Variants in TFAP2A observed in about 807,000 individuals in gnomAD.
The protein encoded by TFAP2A is transcription factor AP-2-alpha.
In TFAP2A, 7 loss-of-function variants were observed where a neutral mutation model predicts 41.5. That is an observed-to-expected ratio of 0.17 (90% confidence interval 0.10 to 0.32). The LOEUF is 0.32. TFAP2A is among the 10% of genes least tolerant of loss of function. TFAP2A has a pLI of 1.00. For synonymous variants in TFAP2A, 247 were observed against 242.8 expected, an observed-to-expected ratio of 1.02 and a Z score of -0.16; for missense variants, 416 against 563.3, an observed-to-expected ratio of 0.74 and a Z score of 2.65.
intron 3 of TFAP2A, 69 bp from the exon 4 acceptor site, chr6:10,404,808 CCCT>C (rs1439404135): frequency 1.4e-6 from 2 of 1,439,972 alleles, no homozygotes; most frequent in African/African-American, 2.8e-5. Context: ...CCGACCCCGG[CCCT>C]CATCCCGGCC....
chr6:10,415,349 A>T, upstream of TFAP2A: 1 of 1,153,622 alleles, frequency 8.7e-7, no homozygotes. Context: ...GCTCGCCAGT[A>T]CCACAATCTG....
At chr6:10,408,867 C>T (rs969871588) in intron 2 of TFAP2A, among the ~76,000 whole-genome samples, 2 of 152,242 alleles carry the variant, frequency 1.3e-5, no homozygotes, top group African/African-American at 2.4e-5. Flanking sequence ...AATCATTAAA[C>T]TGTCAACGGA....
upstream of TFAP2A, among the ~76,000 whole-genome samples, chr6:10,417,918 A>G (rs1241050961): frequency 2.6e-5 from 4 of 152,232 alleles, no homozygotes; most frequent in Admixed American, 6.5e-5. Flanking sequence ...TCCCAGGCCA[A>G]ACCTACTCAA....
chr6:10,414,857 TG>T, intron 1 of TFAP2A, 83 bp downstream of exon 1: 1 of 1,583,964 alleles, frequency 6.3e-7, no homozygotes, highest in African/African-American at 1.3e-5. Context: ...GTTTCGCAGC[TG>T]GTTGCAAGGA....
upstream of TFAP2A, chr6:10,415,446 A>C (rs1581277581): frequency 1.4e-5 from 4 of 291,224 alleles, no homozygotes; most frequent in East Asian, 9.4e-5. Context: ...AACTGATAAA[A>C]CCTTCCTCGA....
At chr6:10,401,198 C>T (rs1192673286) in intron 5 of TFAP2A, among the ~76,000 whole-genome samples, 2 of 152,222 alleles carry the variant, frequency 1.3e-5, no homozygotes, top group Non-Finnish European at 2.9e-5. Context: ...AAGCCCTCTC[C>T]GCAGAGCTTG....
chr6:10,410,352 G>A lies in TFAP2A; in HGVS notation c.52-17C>T. 4 of 1,601,162 alleles carry A rather than the reference G, an allele frequency of 2.5e-6. No homozygotes were observed. The highest frequency in any genetic ancestry group is 3.4e-6 in the Non-Finnish European group (4 of 1,174,402). ...GTGACGGTCCTAGAAGAGAGCGAGA[G>A]GAAAGGTAAAGAACAAGGAATCAGG... On this transcript the variant is annotated splice_polypyrimidine_tract_variant and intron_variant, in intron 1 of 6. Transcript: ENST00000379613.
At chr6:10,406,963 G>T in intron 2 of TFAP2A, 119 bp from the exon 3 acceptor site, 2 of 829,490 alleles carry the variant, frequency 2.4e-6, no homozygotes, top group South Asian at 1.4e-5. Context: ...CCCGTATAAT[G>T]ACATTTATAT....
At chr6:10,412,030 T>C in intron 1 of TFAP2A, 1 of 1,049,738 alleles carries the variant, frequency 9.5e-7, no homozygotes, top group Non-Finnish European at 1.1e-6. Context: ...TAATAGCAGA[T>C]ATTCATGACT....
rs753566744 is a variant in TFAP2A at position 10,398,410 on chromosome 6, G to A, written c.*7C>T. 18 of 1,613,570 alleles carry A rather than the reference G, an allele frequency of 1.1e-5. No homozygotes were observed. Among genetic ancestry groups the A allele is most frequent in the East Asian group, 2.2e-5 (1 of 44,870 alleles). On this transcript the variant is annotated 3_prime_UTR_variant, in exon 7 of 7. Transcript: ENST00000379613. This position sits in a 1 kb window ranked among gnomAD's most constrained non-coding sequence, Gnocchi z 5.3. Reference sequence around the variant, plus strand: ...AGGCGTGGGAGGGGCGGGGCGGGAGGAGAGCCTCACTTTCTGTGCTTCTCC... The same window carrying A: ...AGGCGTGGGAGGGGCGGGGCGGGAGAAGAGCCTCACTTTCTGTGCTTCTCC...
chr6:10,411,950 C>T, intron 1 of TFAP2A: 1 of 1,123,712 alleles, frequency 8.9e-7, no homozygotes, highest in Non-Finnish European at 1.1e-6. Context: ...CCGTGTCTCC[C>T]CCTCTTTTCT....
intron 2 of TFAP2A, among the ~76,000 whole-genome samples, chr6:10,408,133 T>A (rs978072628): frequency 3.9e-5 from 6 of 152,234 alleles, no homozygotes; most frequent in African/African-American, 1.4e-4. Flanking sequence ...CACCATCGAT[T>A]TGATTTTCTT....
intron 3 of TFAP2A, chr6:10,406,403 G>C (rs1757714510): frequency 4.1e-6 from 1 of 244,978 alleles, no homozygotes; most frequent in African/African-American, 2.3e-5. Flanking sequence ...CTTATCATCT[G>C]TTCTTACATT....
At chr6:10,401,195 C>T (rs1761991391) in intron 5 of TFAP2A, among the ~76,000 whole-genome samples, 2 of 152,346 alleles carry the variant, frequency 1.3e-5, no homozygotes, top group South Asian at 4.1e-4. Context: ...TCAAAGCCCT[C>T]TCCGCAGAGC....
rs760669921 is a variant in TFAP2A, at chr6:10,398,969, T to C, written c.1032-264A>G. Among the ~76,000 whole-genome samples the C allele has an allele frequency of 1.3e-5, 2 of 152,214 alleles. No homozygotes were observed. Among genetic ancestry groups the C allele is most frequent in the Non-Finnish European group, 2.9e-5 (2 of 68,030 alleles). On this transcript the variant is annotated intron_variant, in intron 6 of 6. Coordinates refer to ENST00000379613, the MANE Select transcript of TFAP2A (RefSeq NM_001372066.1). This position sits in a 1 kb window ranked among gnomAD's most constrained non-coding sequence, Gnocchi z 5.3. Reference sequence around the variant, plus strand: ...TCCTCTCAGATATGGTAAACTTTTATTCCCACCTTTCTCCCTCACACAAAA... The same window carrying C: ...TCCTCTCAGATATGGTAAACTTTTACTCCCACCTTTCTCCCTCACACAAAA...
At chr6:10,406,432 C>T in intron 3 of TFAP2A, 1 of 271,730 alleles carries the variant, frequency 3.7e-6, no homozygotes, top group African/African-American at 2.2e-5. Flanking sequence ...ATTATTTGTA[C>T]TATTTTAGCA....
At position 10,402,414 on chromosome 6, in the gene TFAP2A, G is replaced by T; in HGVS notation, c.889+78C>A. The T allele has an allele frequency of 3.7e-6, 4 of 1,068,578 alleles. No individual in the cohort carries two copies. The South Asian group carries it at 3.8e-5, about 10-fold the overall frequency. 66.2% of individuals were successfully genotyped at this position (1,068,578 alleles called of 1,614,324 possible). On this transcript the variant is annotated intron_variant, in intron 5 of 6. Coordinates refer to ENST00000379613, the MANE Select transcript of TFAP2A (RefSeq NM_001372066.1). Reference sequence around the variant, plus strand: ...AAACTGCCCAACTGACATAAAATACGACCAAACATCTGGCCACTAAATATT... The same window carrying T: ...AAACTGCCCAACTGACATAAAATACTACCAAACATCTGGCCACTAAATATT...
chr6:10,418,221 A>G, upstream of TFAP2A: 1 of 152,250 alleles, frequency 6.6e-6, no homozygotes, highest in East Asian at 1.9e-4. Flanking sequence ...TCTTGATAAA[A>G]GTAATAAATC....
chr6:10,417,916 C>T (rs1561720135), upstream of TFAP2A, among the ~76,000 whole-genome samples: 1 of 152,220 alleles, frequency 6.6e-6, no homozygotes, highest in Non-Finnish European at 1.5e-5. Flanking sequence ...AGTCCCAGGC[C>T]AAACCTACTC....
Sources: gnomAD v4.1 joint callset for allele counts (sites outside exome capture counted in the v4.1 genomes callset) on GRCh38, gnomAD v4.1.1 for gene constraint, Gnocchi (gnomAD v3.1) non-coding constraint, MANE v1.5 for transcripts, NCBI Gene and HGNC (gene_info 2026-07-23, HGNC 2026-07-21) for gene names.